Variants in TMEM132B observed in about 807,000 individuals in gnomAD.
The protein encoded by TMEM132B is transmembrane protein 132B.
TMEM132B carries 18 observed loss-of-function variants against 90.8 expected under a neutral mutation model. The observed-to-expected ratio is 0.20, with a 90% CI of 0.14 to 0.29. The LOEUF (loss-of-function observed/expected upper bound fraction) is 0.29. Ranked by LOEUF, TMEM132B falls within the 10% of genes least tolerant of loss-of-function variation. The pLI is 1.00. For synonymous variants in TMEM132B, 504 were observed against 523.3 expected (o/e 0.96, Z 0.50); for missense variants, 1,096 against 1,326.8 (o/e 0.83, Z 2.70).
chr12:125,643,798 C>T (rs1169620986), intron 5 of TMEM132B, among the ~76,000 whole-genome samples: 1 of 152,138 alleles, frequency 6.6e-6, no homozygotes, highest in Non-Finnish European at 1.5e-5. Flanking sequence ...AACACACATA[C>T]ACACAAAAGG....
intron 5 of TMEM132B, among the ~76,000 whole-genome samples, chr12:125,591,856 G>A (rs1039346859): frequency 9.2e-5 from 14 of 152,216 alleles, no homozygotes; most frequent in African/African-American, 1.4e-4. Flanking sequence ...TTTAGGGGCC[G>A]TCCTAATTCA....
chr12:125,557,745 A>T (rs373115825), intron 4 of TMEM132B, among the ~76,000 whole-genome samples: 1 of 152,140 alleles, frequency 6.6e-6, no homozygotes, highest in East Asian at 1.9e-4. Flanking sequence ...TCCGAGACTG[A>T]TTAGTGGTGT....
intron 5 of TMEM132B, among the ~76,000 whole-genome samples, chr12:125,620,359 C>G (rs1403419093): frequency 2.6e-5 from 4 of 152,216 alleles, no homozygotes. Context: ...CTTTCCCAAA[C>G]TGTGTGAATT....
At chr12:125,412,717 C>T (rs1566028222) in intron 2 of TMEM132B, among the ~76,000 whole-genome samples, 1 of 152,124 alleles carries the variant, frequency 6.6e-6, no homozygotes, top group Non-Finnish European at 1.5e-5. Flanking sequence ...GGTGTGTGGA[C>T]AGCGGAAGGG....
At chr12:125,441,691 G>C (rs1024180894) in intron 3 of TMEM132B, among the ~76,000 whole-genome samples, 1 of 152,154 alleles carries the variant, frequency 6.6e-6, no homozygotes, top group Non-Finnish European at 1.5e-5. Context: ...TTTTTAAAAG[G>C]CTGGTGTAGC....
At chr12:125,575,616 T>C (rs1884924335) in intron 4 of TMEM132B, among the ~76,000 whole-genome samples, 1 of 152,116 alleles carries the variant, frequency 6.6e-6, no homozygotes, top group Admixed American at 6.6e-5. Flanking sequence ...TTAGGTGTCA[T>C]ATCTAAGCAA....
intron 1 of TMEM132B, among the ~76,000 whole-genome samples, chr12:125,250,021 G>A (rs566363136): frequency 8.1e-4 from 123 of 152,356 alleles, no homozygotes; most frequent in Non-Finnish European, 1.5e-3. Context: ...GTTTTATTGG[G>A]AGAATCCCCC....
intron 1 of TMEM132B, among the ~76,000 whole-genome samples, chr12:125,198,866 A>C (rs1389774393): frequency 6.6e-6 from 1 of 152,130 alleles, no homozygotes; most frequent in East Asian, 1.9e-4. Context: ...CTGCCCTTTG[A>C]GCTGCTTCCA....
At chr12:125,403,860 C>G (rs1879387943) in intron 2 of TMEM132B, among the ~76,000 whole-genome samples, 1 of 152,220 alleles carries the variant, frequency 6.6e-6, no homozygotes, top group Non-Finnish European at 1.5e-5. Context: ...AGCCCATGAG[C>G]ATTGTCCCTC....
intron 4 of TMEM132B, among the ~76,000 whole-genome samples, chr12:125,556,762 TC>T (rs1884398703): frequency 6.6e-6 from 1 of 152,130 alleles, no homozygotes; most frequent in Non-Finnish European, 1.5e-5. Context: ...ACATCTGTGT[TC>T]CTTTTTTTTG....
At chr12:125,433,927 A>G (rs1021274177) in intron 3 of TMEM132B, among the ~76,000 whole-genome samples, 22 of 152,296 alleles carry the variant, frequency 1.4e-4, no homozygotes, top group Non-Finnish European at 2.2e-4. Context: ...CAAATTGAGT[A>G]TTACATATGA....
At chr12:125,378,345 G>A (rs567665893) in intron 2 of TMEM132B, among the ~76,000 whole-genome samples, 1 of 152,324 alleles carries the variant, frequency 6.6e-6, no homozygotes, top group Admixed American at 6.5e-5. Flanking sequence ...CAGCTGGAGT[G>A]CATTTGACTG....
At chr12:125,557,132 T>G (rs1321249399) in intron 4 of TMEM132B, among the ~76,000 whole-genome samples, 1 of 152,154 alleles carries the variant, frequency 6.6e-6, no homozygotes, top group African/African-American at 2.4e-5. Context: ...ATATTTATCT[T>G]TATATGCATG....
At chr12:125,397,160 A>T (rs188777496) in intron 2 of TMEM132B, among the ~76,000 whole-genome samples, 4 of 151,906 alleles carry the variant, frequency 2.6e-5, no homozygotes, top group African/African-American at 4.8e-5. Flanking sequence ...TTTAGTAGAG[A>T]TGGGGTTTCA....
intron 3 of TMEM132B, among the ~76,000 whole-genome samples, chr12:125,461,460 C>T (rs941626407): frequency 3.9e-5 from 6 of 152,208 alleles, no homozygotes; most frequent in African/African-American, 1.4e-4. Context: ...AGCCCCTGCC[C>T]CTCTAACCAG....
At chr12:125,330,600 A>T (rs1002978621) in intron 1 of TMEM132B, among the ~76,000 whole-genome samples, 2 of 152,208 alleles carry the variant, frequency 1.3e-5, no homozygotes, top group Non-Finnish European at 2.9e-5. Flanking sequence ...AAGATTTTTT[A>T]AAAAGTATAT....
At position 125,650,884 on chromosome 12, in the gene TMEM132B, G is replaced by A. The variant is rs377328783; in HGVS notation, c.1845G>A (p.Glu615=). The stretch of plus-strand genomic sequence containing the variant: ...TGACCGAGTTCATGAAGGTGGAGGA[G>A]CCGAAAATCGCTCAGTTACAGGACG... The part of the protein sequence containing the change: ...DLVTEFMKVE[E]PKIAQLQDGR... The change falls in exon 7 of 9, where the codon GAG becomes GAA. Residue 615 remains glutamate (E), a synonymous_variant. Coordinates refer to ENST00000682704, the MANE Select transcript of TMEM132B (RefSeq NM_001366854.1). 6 of 1,613,924 alleles carry A rather than the reference G, an allele frequency of 3.7e-6. No homozygotes were observed. The East Asian group carries it at 8.9e-5, about 24-fold the overall frequency.
At chr12:125,510,733 C>T (rs1882955512) in intron 3 of TMEM132B, among the ~76,000 whole-genome samples, 1 of 152,136 alleles carries the variant, frequency 6.6e-6, no homozygotes, top group African/African-American at 2.4e-5. Context: ...TTATTTCTCT[C>T]CCTTCTCTGA....
chr12:125,244,216 A>C (rs988949902), intron 1 of TMEM132B, among the ~76,000 whole-genome samples: 1 of 152,196 alleles, frequency 6.6e-6, no homozygotes, highest in Non-Finnish European at 1.5e-5. Context: ...TGCCACGAAC[A>C]TGAGTGTGTA....
Sources: gnomAD v4.1 joint callset for allele counts (sites outside exome capture counted in the v4.1 genomes callset) on GRCh38, gnomAD v4.1.1 for gene constraint, MANE v1.5 for transcripts, NCBI Gene and HGNC (gene_info 2026-07-23, HGNC 2026-07-21) for gene names.